Variants in VPS13C observed in about 807,000 individuals in gnomAD.
The protein encoded by VPS13C is intermembrane lipid transfer protein VPS13C.
VPS13C carries 358 observed loss-of-function variants against 456.8 expected under a neutral mutation model. That is an observed-to-expected ratio of 0.78 (90% CI 0.72 to 0.86). The LOEUF (loss-of-function observed/expected upper bound fraction) is 0.86, where lower values mean the gene tolerates loss of function less well. Ranked by LOEUF, VPS13C falls within the 40% of genes least tolerant of loss-of-function variation. The probability of loss-of-function intolerance (pLI) is 0.00; values close to 1 mark genes in which losing one functional copy is unlikely to be tolerated. For missense variants in VPS13C, 4,818 were observed against 4,385.4 expected, an observed-to-expected ratio of 1.10 and a Z score of -2.79; for synonymous variants, 1,578 against 1,486.7, an observed-to-expected ratio of 1.06 and a Z score of -1.41.
chr15:61,886,533 C>T (rs1460205892), intron 67 of VPS13C, among the ~76,000 whole-genome samples: 1 of 152,050 alleles, frequency 6.6e-6, no homozygotes, highest in Non-Finnish European at 1.5e-5. Context: ...CTAACTCAAA[C>T]ATGCTGTGAT....
In VPS13C at chr15:62,060,427, G is replaced by T. The variant is rs2048967375; in HGVS notation, c.-53C>A. 1.2e-5 allele frequency: 11 copies of T among 936,156 alleles called. No homozygotes were observed. The highest frequency in any genetic ancestry group is 1.7e-5 in the African/African-American group (1 of 57,870). The allele number at this position is 936,156 out of a possible 1,614,324, so 58.0% of individuals were successfully genotyped here. The stretch of plus-strand genomic sequence containing the variant: ...GGAGCCGGAACCGCCCGGCGCAGCT[G>T]AGGGCTGCGACCAGCGCTGCAAATG... On this transcript the variant is annotated 5_prime_UTR_variant, in exon 1 of 85. Coordinates refer to ENST00000644861, the MANE Select transcript of VPS13C (RefSeq NM_020821.3).
At chr15:62,008,286 G>A (rs1331546685) in intron 14 of VPS13C, among the ~76,000 whole-genome samples, 2 of 151,906 alleles carry the variant, frequency 1.3e-5, no homozygotes, top group Admixed American at 6.6e-5. Flanking sequence ...CGTACCCCCA[G>A]CTACTTGGGA....
In VPS13C at chr15:62,004,381, A is replaced by T. The variant is rs955811869; in HGVS notation, c.1290+2927T>A. On this transcript the variant is annotated intron_variant, in intron 15 of 84. Coordinates refer to ENST00000644861, the MANE Select transcript of VPS13C (RefSeq NM_020821.3). ...CGGTGGTGATATCCCCTTTATCAATATTTATTGCATCTATTTGATTCTTCT... is the reference window on the plus strand; with the variant it reads ...CGGTGGTGATATCCCCTTTATCAATTTTTATTGCATCTATTTGATTCTTCT... 4.6e-5 allele frequency among the ~76,000 whole-genome samples: 7 copies of T among 152,114 alleles called. 1 individual carries two copies. The highest frequency in any genetic ancestry group is 4.1e-4 in the South Asian group (2 of 4,820).
chr15:61,909,248 C>A, intron 64 of VPS13C, 123 bp from the exon 65 acceptor site: 1 of 1,264,002 alleles, frequency 7.9e-7, no homozygotes, highest in South Asian at 1.5e-5. Context: ...CTTGCTGTCA[C>A]CCAGGCTGGA....
At chr15:61,983,706 G>C (rs2045952549) in intron 20 of VPS13C, 114 bp downstream of exon 20, 1 of 1,194,290 alleles carries the variant, frequency 8.4e-7, no homozygotes, top group Non-Finnish European at 1.2e-6. Flanking sequence ...AACCTATTAG[G>C]AAACTTACTT....
intron 81 of VPS13C, chr15:61,864,025 G>A (rs1019347857): frequency 2.6e-5 from 4 of 152,388 alleles, no homozygotes; most frequent in African/African-American, 9.7e-5. Flanking sequence ...AATCACAGAG[G>A]GGGGTCTGTG....
chr15:62,035,238 G>A (rs942521276), intron 3 of VPS13C, among the ~76,000 whole-genome samples, 186 bp from the exon 4 acceptor site: 1 of 151,758 alleles, frequency 6.6e-6, no homozygotes, highest in Non-Finnish European at 1.5e-5. Flanking sequence ...ACTATTAAGT[G>A]AATAGTCACA....
At chr15:61,952,828 CCTGCTTCCCAAGTAGCCAGGA>C (rs2044847505) in intron 38 of VPS13C, among the ~76,000 whole-genome samples, 2 of 152,068 alleles carry the variant, frequency 1.3e-5, no homozygotes, top group African/African-American at 4.8e-5. Flanking sequence ...AAGCGATCCT[CCTGCTTCCCAAGTAGCCAGGA>C]CTAAAGGCAC....
Position 61,854,426 on chromosome 15 carries a change from T to C in VPS13C, c.*31A>G. 6.3e-7 allele frequency: 1 copy of C among 1,581,972 alleles called. No individual in the cohort carries two copies. Among genetic ancestry groups the C allele is most frequent in the East Asian group, 2.2e-5 (1 of 44,732 alleles). On this transcript the variant is annotated 3_prime_UTR_variant, in exon 85 of 85. Coordinates refer to ENST00000644861, the MANE Select transcript of VPS13C (RefSeq NM_020821.3). The stretch of plus-strand genomic sequence containing the variant: ...TATAGACAAGACCAGTGATTGTTTT[T>C]TCTCCCTGTTGGAGCCCCTGAGGTC...
chr15:61,941,617 G>A (rs1349620925), intron 46 of VPS13C, 146 bp downstream of exon 46: 1 of 821,832 alleles, frequency 1.2e-6, no homozygotes, highest in Admixed American at 3.0e-5. Context: ...TTTAACCACT[G>A]ACCAAGAAGC....
At chr15:62,008,398 C>CA (rs554893147) in intron 14 of VPS13C, among the ~76,000 whole-genome samples, 224 of 131,544 alleles carry the variant, frequency 1.7e-3, no homozygotes, top group African/African-American at 3.9e-3. Context: ...GATTCTATCT[C>CA]AAAAAAAAAA....
intron 38 of VPS13C, among the ~76,000 whole-genome samples, chr15:61,952,965 C>T (rs1368192312): frequency 6.6e-6 from 1 of 151,954 alleles, no homozygotes; most frequent in Non-Finnish European, 1.5e-5. Flanking sequence ...CTCAAGCGAT[C>T]CTCCAGTCTT....
In VPS13C at chr15:61,907,376, T is replaced by C; in HGVS notation, c.8993A>G (p.Glu2998Gly). 6.2e-7 allele frequency: 1 copy of C among 1,613,886 alleles called. No homozygotes were observed. Residue 2998 changes from glutamate (E) to glycine (G), a missense_variant, in exon 66 of 85, where the codon GAA (glutamate) becomes GGA (glycine). Physicochemically the swap from Glu to Gly is moderately conservative, Grantham distance 98 (BLOSUM62 -2). This residue lies in a region of VPS13C where 4,552 missense variants were observed against 4,130.6 expected (regional missense o/e 1.10). Coordinates refer to ENST00000644861, the MANE Select transcript of VPS13C (RefSeq NM_020821.3). ...LTYKQSGSPE[E>G]MVLLPRQARL... Reference sequence around the variant, plus strand: ...AGCCTGTCTTGGCAGCAAGACCATTTCTTCTGGTGACCCACTAAAACACAA... The same window carrying C: ...AGCCTGTCTTGGCAGCAAGACCATTCCTTCTGGTGACCCACTAAAACACAA...
At chr15:61,888,391 C>T (rs551565536) in intron 67 of VPS13C, among the ~76,000 whole-genome samples, 1 of 152,050 alleles carries the variant, frequency 6.6e-6, no homozygotes, top group East Asian at 1.9e-4. Context: ...AAAACTTGCA[C>T]ACGAATGTTT....
In VPS13C at chr15:61,920,266, T is replaced by C; in HGVS notation, c.7278A>G (p.Val2426=). 2 of 1,613,432 alleles carry C rather than the reference T, an allele frequency of 1.2e-6. No individual in the cohort carries two copies. The highest frequency in any genetic ancestry group is 1.7e-6 in the Non-Finnish European group (2 of 1,179,538). ...TAATGGGAACACCTACAGCATTTTTTACCGTAAAAGGAGCTCTGTCCTTTA... is the reference window on the plus strand; with the variant it reads ...TAATGGGAACACCTACAGCATTTTTCACCGTAAAAGGAGCTCTGTCCTTTA... ...YSLKDRAPFT[V]KNAVGVPIKV... Residue 2426 remains valine (V), a synonymous_variant, in exon 57 of 85, where the codon GTA becomes GTG. Transcript: ENST00000644861.
intron 38 of VPS13C, among the ~76,000 whole-genome samples, chr15:61,953,518 T>C (rs769827063): frequency 5.9e-5 from 9 of 151,726 alleles, no homozygotes; most frequent in Non-Finnish European, 1.0e-4. Flanking sequence ...CGACAGTTAC[T>C]GAGAATGATG....
Position 61,922,045 on chromosome 15 carries a change from C to G in VPS13C, c.6976-12G>C, listed in dbSNP as rs2043674957. The G allele has an allele frequency of 6.2e-7, 1 of 1,612,078 alleles. No individual in the cohort carries two copies. The highest frequency in any genetic ancestry group is 1.3e-5 in the African/African-American group (1 of 74,974). On this transcript the variant is annotated splice_polypyrimidine_tract_variant and intron_variant, in intron 54 of 84. Transcript: ENST00000644861. The stretch of plus-strand genomic sequence containing the variant: ...TTGTAATAGTGCACCTGGAAAGATA[C>G]ACACAAAATTATAAGACAGTCCTTT...
intron 18 of VPS13C, among the ~76,000 whole-genome samples, chr15:61,990,080 A>G (rs1206545266): frequency 6.6e-6 from 1 of 152,256 alleles, no homozygotes; most frequent in African/African-American, 2.4e-5. Flanking sequence ...AAATACATCT[A>G]CTGCAACAAC....
At position 61,875,822 on chromosome 15, in the gene VPS13C, A is replaced by G. The variant is rs778993613; in HGVS notation, c.10248T>C (p.Leu3416=). 6.2e-7 allele frequency: 1 copy of G among 1,600,028 alleles called. No homozygotes were observed. The highest frequency in any genetic ancestry group is 1.4e-5 in the African/African-American group (1 of 73,986). Residue 3416 remains leucine (L), a synonymous_variant, in exon 76 of 85, where the codon CTT becomes CTC. Transcript: ENST00000644861. The stretch of plus-strand genomic sequence containing the variant: ...TTCCAAGTACATCTAACCCCAATAC[A>G]AGGACATACATCTGTTTCAAGAACT... ...SEQFLKQMYV[L]VLGLDVLGNP...
Sources: gnomAD v4.1 joint callset for allele counts (sites outside exome capture counted in the v4.1 genomes callset) on GRCh38, gnomAD v4.1.1 for gene constraint, gnomAD v4.1.1 regional missense constraint, MANE v1.5 for transcripts, NCBI Gene and HGNC (gene_info 2026-07-23, HGNC 2026-07-21) for gene names.